Variants in ZC3HAV1 observed in about 807,000 individuals in gnomAD.
ZC3HAV1 encodes the protein zinc finger CCCH-type containing, antiviral 1.
In ZC3HAV1, 41 loss-of-function variants were observed where a neutral mutation model predicts 86.6. The observed-to-expected ratio is 0.47, with a 90% CI of 0.37 to 0.61. The LOEUF (loss-of-function observed/expected upper bound fraction) is 0.61. ZC3HAV1 is among the 20% of genes least tolerant of loss of function. The probability of loss-of-function intolerance (pLI) is 0.00; values close to 1 mark genes in which losing one functional copy is unlikely to be tolerated. For synonymous variants in ZC3HAV1, 421 were observed against 432.1 expected, an observed-to-expected ratio of 0.97 and a Z score of 0.32; for missense variants, 964 against 1,141.1, an observed-to-expected ratio of 0.84 and a Z score of 2.24.
At chr7:139,083,053 G>A (rs1205656336) in intron 3 of ZC3HAV1, among the ~76,000 whole-genome samples, 3 of 148,936 alleles carry the variant, frequency 2.0e-5, no homozygotes, top group African/African-American at 7.5e-5. Context: ...TATATCAAAT[G>A]CTTTAAACAC....
At chr7:139,073,064 G>A (rs938635549) in intron 7 of ZC3HAV1, among the ~76,000 whole-genome samples, 2 of 152,158 alleles carry the variant, frequency 1.3e-5, no homozygotes. Flanking sequence ...GGGAGGCCGA[G>A]GTGGGCGGAT....
chr7:139,109,101 G>A lies in ZC3HAV1; in HGVS notation c.231C>T (p.Tyr77=). The A allele has an allele frequency of 6.3e-7, 1 of 1,594,676 alleles. No homozygotes were observed. The highest frequency in any genetic ancestry group is 8.5e-7 in the Non-Finnish European group (1 of 1,170,322). Residue 77 remains tyrosine, a synonymous_variant, in exon 1 of 13, where the codon TAC becomes TAT. Coordinates refer to ENST00000242351, the MANE Select transcript of ZC3HAV1 (RefSeq NM_020119.4). The part of the protein sequence containing the change: ...TTRARVCRRK[Y]CQRPCDNLHL... ...GCAGGTTATCGCAGGGTCTCTGGCA[G>A]TACTTGCGACGGCAGACCCGGGCTC...
intron 5 of ZC3HAV1, among the ~76,000 whole-genome samples, chr7:139,077,841 C>A (rs189399243): frequency 2.0e-5 from 3 of 152,302 alleles, no homozygotes; most frequent in East Asian, 1.9e-4. Flanking sequence ...TTAGACACTG[C>A]AGGGACACCC....
Position 139,063,075 on chromosome 7 carries a change from GAAAAGAAA to G in ZC3HAV1, c.1993+1796_1993+1803del, listed in dbSNP as rs369846779. ...AAGAAAGAAAGAAAGAAAAAGAAAA[GAAAAGAAA>G]AAGCCATCTGGAACACTAGGAACCC... On this transcript the variant is annotated intron_variant, in intron 8 of 12. Transcript: ENST00000242351. Among the ~76,000 whole-genome samples the G allele has an allele frequency of 8.6e-3, 1,036 of 119,914 alleles. 10 individuals carry two copies. Among genetic ancestry groups the G allele is most frequent in the African/African-American group, 0.029 (985 of 33,668 alleles). The allele number at this position is 119,914 out of a possible 152,430, so 78.7% of individuals were successfully genotyped here. A position where few individuals can be genotyped will look rare whatever the true frequency, so the allele number is the denominator to read the frequency against.
At chr7:139,049,039 A>G (rs1468766839) in intron 12 of ZC3HAV1, among the ~76,000 whole-genome samples, 1 of 151,750 alleles carries the variant, frequency 6.6e-6, no homozygotes, top group African/African-American at 2.4e-5. Flanking sequence ...AAATAGGATC[A>G]TAATATATGA....
chr7:139,083,878 G>T lies in ZC3HAV1; in HGVS notation c.599C>A (p.Ala200Asp), dbSNP rs1487428910. The T allele has an allele frequency of 6.2e-7, 1 of 1,614,094 alleles. No individual in the cohort carries two copies. The change falls in exon 3 of 13, where the codon GCC (alanine) becomes GAC (aspartate). Residue 200 changes from alanine (A) to aspartate (D), a missense_variant. By Grantham distance (126) the Ala-to-Asp change is moderately radical. Transcript: ENST00000242351. ...SHNLMDRKVL[A>D]IMREHGLNPD... is the part of the protein sequence containing the mutation. ...GTTCAGCCCGTGCTCCCTCATGATG[G>T]CCAGCACCTTTCTGTCCATCAGGTT...
At chr7:139,109,003 C>G (rs1487802237) in intron 1 of ZC3HAV1, 21 bp downstream of exon 1, 1 of 1,527,280 alleles carries the variant, frequency 6.5e-7, no homozygotes, top group Admixed American at 2.0e-5. Flanking sequence ...GGACAGCGCC[C>G]CTCCCTCCGG....
chr7:139,044,085 T>C lies in ZC3HAV1; in HGVS notation c.*3509A>G, dbSNP rs1300968957. 2 of 152,262 alleles carry C rather than the reference T, an allele frequency of 1.3e-5. No homozygotes were observed. Among genetic ancestry groups the C allele is most frequent in the Non-Finnish European group, 2.9e-5 (2 of 68,038 alleles). 9.4% of individuals were successfully genotyped at this position (152,262 alleles called of 1,614,324 possible). A position where few individuals can be genotyped will look rare whatever the true frequency, so the allele number is the denominator to read the frequency against. Reference sequence around the variant, plus strand: ...CCTGTACGACTGTCTAATGTCCTGCTGGACATTTAGGTAGGACCTACAGCT... The same window carrying C: ...CCTGTACGACTGTCTAATGTCCTGCCGGACATTTAGGTAGGACCTACAGCT... On this transcript the variant is annotated 3_prime_UTR_variant, in exon 13 of 13. Transcript: ENST00000242351.
chr7:139,082,738 T>C (rs1486898122), intron 3 of ZC3HAV1, among the ~76,000 whole-genome samples: 1 of 152,180 alleles, frequency 6.6e-6, no homozygotes, highest in Non-Finnish European at 1.5e-5. Flanking sequence ...AGGATAAATA[T>C]TGTACGATTC....
At chr7:139,079,294 C>T (rs753287339) in intron 4 of ZC3HAV1, 176 bp downstream of exon 4, 1 of 1,537,652 alleles carries the variant, frequency 6.5e-7, no homozygotes, top group African/African-American at 1.4e-5. Context: ...CCAGGTTCCT[C>T]AGACTCTGAC....
At chr7:139,099,316 G>C (rs1028479705) in intron 1 of ZC3HAV1, among the ~76,000 whole-genome samples, 6 of 152,214 alleles carry the variant, frequency 3.9e-5, no homozygotes, top group Non-Finnish European at 1.5e-5. Flanking sequence ...TCCATGGACA[G>C]TGCAGAATTA....
intron 7 of ZC3HAV1, among the ~76,000 whole-genome samples, chr7:139,072,648 C>T (rs143182115): frequency 0.011 from 1,601 of 152,268 alleles, 27 homozygotes; most frequent in African/African-American, 0.037. Context: ...GCTCTGCTCA[C>T]CTAAACTTCC....
rs1461087242 is a variant in ZC3HAV1, at chr7:139,074,009, T to C, written c.1719A>G (p.Thr573=). 6.2e-7 allele frequency: 1 copy of C among 1,613,028 alleles called. No individual in the cohort carries two copies. The highest frequency in any genetic ancestry group is 1.7e-5 in the Admixed American group (1 of 59,956). ...CACAACTCATTACCCGAAAATTGAT[T>C]GTATAACTTCCTACAGAACAGCTGA... ...GIHLCSVGSY[T]INFRVMSCDS... is the part of the protein sequence containing the mutation. The change falls in exon 7 of 13, where the codon ACA becomes ACG. Residue 573 remains threonine (T), a synonymous_variant. Transcript: ENST00000242351.
In ZC3HAV1 at chr7:139,089,717, G is replaced by A. The variant is rs763846649; in HGVS notation, c.351C>T (p.Asn117=). ...KYSHEVLSEE[N]FKVLKNHELS... ...GTTCGTGATTTTTCAGGACTTTGAA[G>A]TTCTCTTCTGAGAGAACCTCATGAG... is the stretch of plus-strand genomic sequence containing the variant. The change falls in exon 2 of 13, where the codon AAC becomes AAT. Residue 117 remains asparagine (N), a synonymous_variant. Coordinates refer to ENST00000242351, the MANE Select transcript of ZC3HAV1 (RefSeq NM_020119.4). 8.7e-6 allele frequency: 14 copies of A among 1,612,756 alleles called. No homozygotes were observed. The African/African-American group carries it at 1.1e-4, about 12-fold the overall frequency.
Position 139,079,678 on chromosome 7 carries a change from G to A in ZC3HAV1, c.1263C>T (p.Asp421=). 1 of 1,614,196 alleles carries A rather than the reference G, an allele frequency of 6.2e-7. No homozygotes were observed. The highest frequency in any genetic ancestry group is 8.5e-7 in the Non-Finnish European group (1 of 1,180,042). ...TATTAAAAAGAGGGCCAGGCTGGAT[G>A]TCCTGAGTTCCACTTTTGCCATTGA... ...RIINGKSGTQ[D]IQPGPLFNNN... Residue 421 remains aspartate, a synonymous_variant, in exon 4 of 13, where the codon GAC becomes GAT. Coordinates refer to ENST00000242351, the MANE Select transcript of ZC3HAV1 (RefSeq NM_020119.4).
Position 139,106,969 on chromosome 7 carries a change from T to C in ZC3HAV1, c.308+2055A>G, listed in dbSNP as rs78106798. ...TACAAGGGGCTTCATCATTTTTTTC[T>C]CTCTACTTTTGAGTATGTTGAAAAT... On this transcript the variant is annotated intron_variant, in intron 1 of 12. Coordinates refer to ENST00000242351, the MANE Select transcript of ZC3HAV1 (RefSeq NM_020119.4). Among the ~76,000 whole-genome samples the C allele has an allele frequency of 7.5e-3, 1,126 of 150,026 alleles. 16 individuals are homozygous for C. Among genetic ancestry groups the C allele is most frequent in the African/African-American group, 0.026 (1,066 of 40,906 alleles).
intron 1 of ZC3HAV1, among the ~76,000 whole-genome samples, chr7:139,100,869 T>G (rs2130735464): frequency 6.7e-6 from 1 of 149,098 alleles, no homozygotes; most frequent in East Asian, 1.9e-4. Flanking sequence ...TCCCTCTCTT[T>G]CCACCGTCTC....
intron 8 of ZC3HAV1, among the ~76,000 whole-genome samples, chr7:139,063,746 A>G (rs1346443807): frequency 1.4e-5 from 2 of 147,728 alleles, no homozygotes; most frequent in Non-Finnish European, 3.0e-5. Flanking sequence ...AAAAAAAAAA[A>G]GTGTTCTGCC....
At chr7:139,052,770 C>CAACA (rs71520039) in intron 12 of ZC3HAV1, among the ~76,000 whole-genome samples, 2 of 150,012 alleles carry the variant, frequency 1.3e-5, no homozygotes, top group Non-Finnish European at 3.0e-5. Context: ...AAAAATACAA[C>CAACA]AAAAAAAAAT....
Sources: allele counts gnomAD v4.1 joint callset (sites outside exome capture counted in the v4.1 genomes callset), GRCh38; gene constraint gnomAD v4.1.1; transcripts MANE v1.5; gene names NCBI Gene and HGNC (gene_info 2026-07-23, HGNC 2026-07-21).